ZSCAN5B: variants seen among roughly 807,000 people sequenced by gnomAD.
The protein encoded by ZSCAN5B is zinc finger and SCAN domain-containing protein 5B.
Under a neutral mutation model 25.2 loss-of-function variants are expected in ZSCAN5B, and 26 were observed. The observed-to-expected ratio is 1.03, with a 90% CI of 0.76 to 1.43. ZSCAN5B has a LOEUF of 1.43. ZSCAN5B is among the 40% of genes most tolerant of loss of function. The pLI is 0.00. For missense variants in ZSCAN5B, 745 were observed against 622.1 expected (o/e 1.20, Z -2.10); for synonymous variants, 244 against 240.9 (o/e 1.01, Z -0.12).
chr19:56,190,254 G>A, exon 5 of ZSCAN5B: 3 of 1,614,194 alleles, frequency 1.9e-6, no homozygotes, highest in Non-Finnish European at 2.5e-6. Flanking sequence ...ACATGCAAAG[G>A]GCGGCAGGGC....
At position 56,191,130 on chromosome 19, in the gene ZSCAN5B, C is replaced by T. The variant is rs1219836096; in HGVS notation, c.589-143G>A. ...AGTAAACATCACCACCTCATTTCTG[C>T]GTCTGTCCCTAATCTGCACCCTCCA... On this transcript the variant is annotated intron_variant, in intron 3 of 4. Transcript: ENST00000586855. The T allele has an allele frequency of 2.2e-5, 25 of 1,139,164 alleles. No homozygotes were observed. In the East Asian group the frequency reaches 3.7e-4, roughly 17 times the overall value. The allele number at this position is 1,139,164 out of a possible 1,614,324, so 70.6% of individuals were successfully genotyped here.
intron 1 of ZSCAN5B, among the ~76,000 whole-genome samples, chr19:56,194,576 T>C (rs1466324477): frequency 6.6e-6 from 1 of 152,130 alleles, no homozygotes; most frequent in African/African-American, 2.4e-5. Context: ...ATTACAGGCG[T>C]GATTGCATTG....
At chr19:56,190,786 C>A in intron 4 of ZSCAN5B, 51 bp downstream of exon 4, 1 of 1,582,566 alleles carries the variant, frequency 6.3e-7, no homozygotes, top group Non-Finnish European at 8.6e-7. Flanking sequence ...CCCAGCCCCG[C>A]ACCCCAGAAG....
Position 56,191,003 on chromosome 19 carries a change from C to T in ZSCAN5B, c.589-16G>A. Reference sequence around the variant, plus strand: ...AGTCCTCTCCCTGAAGAGGAAAAACCAAGAGCAATGACTGCCGTGTCTATA... The same window carrying T: ...AGTCCTCTCCCTGAAGAGGAAAAACTAAGAGCAATGACTGCCGTGTCTATA... On this transcript the variant is annotated splice_polypyrimidine_tract_variant and intron_variant, in intron 3 of 4. Coordinates refer to ENST00000586855, the Ensembl canonical transcript of ZSCAN5B. The T allele has an allele frequency of 6.2e-7, 1 of 1,613,922 alleles. No homozygotes were observed. Among genetic ancestry groups the T allele is most frequent in the African/African-American group, 1.3e-5 (1 of 74,974 alleles).
chr19:56,197,049 G>A (rs1307076024), intron 1 of ZSCAN5B, among the ~76,000 whole-genome samples: 1 of 152,138 alleles, frequency 6.6e-6, no homozygotes, highest in Admixed American at 6.5e-5. Context: ...AGGCCGAGGA[G>A]GGCACATAGC....
rs750962133 is a variant in ZSCAN5B, at chr19:56,190,014, G to A, written c.1301C>T (p.Thr434Ile). The change falls in exon 5 of 5, where the codon ACC (threonine) becomes ATC (isoleucine). Residue 434 changes from threonine to isoleucine, a missense_variant. By Grantham distance (89) the Thr-to-Ile change is moderately conservative (BLOSUM62 -1). Transcript: ENST00000586855. Reference sequence around the variant, plus strand: ...TTTACATTTAAACGGCCTCTCCCCGGTGTGGATCCTCTTGTGGCCCTGTAA... The same window carrying A: ...TTTACATTTAAACGGCCTCTCCCCGATGTGGATCCTCTTGTGGCCCTGTAA... 7 of 1,613,868 alleles carry A rather than the reference G, an allele frequency of 4.3e-6. No individual in the cohort carries two copies. Among genetic ancestry groups the A allele is most frequent in the Non-Finnish European group, 5.9e-6 (7 of 1,179,902 alleles).
At chr19:56,190,710 C>A in intron 4 of ZSCAN5B, 127 bp downstream of exon 4, 1 of 1,540,874 alleles carries the variant, frequency 6.5e-7, no homozygotes. Context: ...GACTGTAGGT[C>A]TCTGGAAAGT....
At chr19:56,193,911 C>T (rs1235841716) in intron 1 of ZSCAN5B, among the ~76,000 whole-genome samples, 1 of 146,712 alleles carries the variant, frequency 6.8e-6, no homozygotes, top group African/African-American at 2.5e-5. Flanking sequence ...GCAGTGAGAT[C>T]ATGCCACTGC....
intron 2 of ZSCAN5B, among the ~76,000 whole-genome samples, chr19:56,192,357 C>T (rs559248324): frequency 6.6e-6 from 1 of 152,210 alleles, no homozygotes; most frequent in Non-Finnish European, 1.5e-5. Context: ...CTTAGGGGCT[C>T]ATTTGGGGAC....
chr19:56,193,115 G>C (rs1238117244), exon 2 of ZSCAN5B: 29 of 1,460,070 alleles, frequency 2.0e-5, no homozygotes, highest in Non-Finnish European at 2.6e-5. Context: ...GTATCAAATT[G>C]AGACCTATTT....
rs779007012 is a variant in ZSCAN5B, at chr19:56,190,028, G to A, written c.1287C>T (p.His429=). Residue 429 remains histidine, a synonymous_variant, in exon 5 of 5, where the codon CAC becomes CAT. Coordinates refer to ENST00000586855, the Ensembl canonical transcript of ZSCAN5B. Reference sequence around the variant, plus strand: ...GCCTCTCCCCGGTGTGGATCCTCTTGTGGCCCTGTAAGGTGGACTCGTGGG... The same window carrying A: ...GCCTCTCCCCGGTGTGGATCCTCTTATGGCCCTGTAAGGTGGACTCGTGGG... 6 of 1,613,948 alleles carry A rather than the reference G, an allele frequency of 3.7e-6. No individual in the cohort carries two copies. In the South Asian group the frequency reaches 5.5e-5, roughly 15 times the overall value.
In ZSCAN5B at chr19:56,197,721, G is replaced by GCT. The variant is rs892803074; in HGVS notation, c.-128+11_-128+12dup. The GCT allele has an allele frequency of 6.1e-6, 6 of 984,708 alleles. No homozygotes were observed. In the African/African-American group the frequency reaches 8.8e-5, roughly 14 times the overall value. The allele number at this position is 984,708 out of a possible 1,614,324, so 61.0% of individuals were successfully genotyped here. ...GCTCCGAAACCCCACAGCCATCGCCGCTGGACACTCACCTCCTTCCCGGCT... is the reference window on the plus strand; with the variant it reads ...GCTCCGAAACCCCACAGCCATCGCCGCTCTGGACACTCACCTCCTTCCCGGCT... On this transcript the variant is annotated intron_variant, in intron 1 of 4. Transcript: ENST00000586855.
At chr19:56,193,680 A>G (rs1444476272) in intron 1 of ZSCAN5B, among the ~76,000 whole-genome samples, 1 of 152,102 alleles carries the variant, frequency 6.6e-6, no homozygotes, top group Admixed American at 6.6e-5. Flanking sequence ...ATCCTATGAG[A>G]GGCCGGGCGC....
intron 4 of ZSCAN5B, 64 bp downstream of exon 4, chr19:56,190,773 G>A: frequency 6.4e-7 from 1 of 1,564,582 alleles, no homozygotes; most frequent in Non-Finnish European, 8.6e-7. Flanking sequence ...ATAATGCTGG[G>A]CCCCCAGCCC....
At chr19:56,190,851 A>G (rs2032722070) in exon 4 of ZSCAN5B, 1 of 1,613,890 alleles carries the variant, frequency 6.2e-7, no homozygotes, top group Admixed American at 1.7e-5. Flanking sequence ...ACTCTTTGGA[A>G]GCTGAGGCTC....
chr19:56,193,778 T>A (rs4801682), intron 1 of ZSCAN5B, among the ~76,000 whole-genome samples: 2 of 151,606 alleles, frequency 1.3e-5, no homozygotes, highest in African/African-American at 4.9e-5. Context: ...CTGGCTAACA[T>A]GGTGAAACCC....
Position 56,190,098 on chromosome 19 carries a change from G to A in ZSCAN5B, c.1217C>T (p.Thr406Ile), listed in dbSNP as rs1303526818. Residue 406 changes from threonine to isoleucine, a missense_variant, in exon 5 of 5, where the codon ACT becomes ATT. By Grantham distance (89) the Thr-to-Ile change is moderately conservative. Transcript: ENST00000586855. The stretch of plus-strand genomic sequence containing the variant: ...GTCACACATGTAGGGCCTCTCGCCA[G>A]TGTGGACTCGCTGGTGAACTCGGAG... 6.2e-7 allele frequency: 1 copy of A among 1,614,100 alleles called. No individual in the cohort carries two copies. Among genetic ancestry groups the A allele is most frequent in the Non-Finnish European group, 8.5e-7 (1 of 1,179,956 alleles).
chr19:56,193,051 A>G (rs950612646), exon 2 of ZSCAN5B: 27 of 1,552,924 alleles, frequency 1.7e-5, no homozygotes, highest in Non-Finnish European at 2.4e-5. Flanking sequence ...ATTTGCAGCC[A>G]TATCTACTGG....
In ZSCAN5B at chr19:56,195,367, C is replaced by A. The variant is rs552266722; in HGVS notation, c.-127-2188G>T. Among the ~76,000 whole-genome samples, 264 of 152,134 alleles carry A rather than the reference C, an allele frequency of 1.7e-3. 1 individual carries two copies. Among genetic ancestry groups the A allele is most frequent in the African/African-American group, 5.1e-3 (213 of 41,464 alleles). The stretch of plus-strand genomic sequence containing the variant: ...TCTCAGATGAAGACATGTGAATGGC[C>A]AGCAGGTCTAGGAAAAGGTGCTCGT... On this transcript the variant is annotated intron_variant, in intron 1 of 4. Coordinates refer to ENST00000586855, the Ensembl canonical transcript of ZSCAN5B.
Sources: allele counts gnomAD v4.1 joint callset (sites outside exome capture counted in the v4.1 genomes callset), GRCh38; gene constraint gnomAD v4.1.1; transcripts MANE v1.5; gene names NCBI Gene and HGNC (gene_info 2026-07-23, HGNC 2026-07-21).